ITGAE: variants seen among roughly 807,000 people sequenced by gnomAD.
The protein encoded by ITGAE is integrin subunit alpha E.
Under a neutral mutation model 136.5 loss-of-function variants are expected in ITGAE, and 99 were observed. The observed-to-expected ratio is 0.73, with a 90% confidence interval of 0.62 to 0.86. ITGAE has a LOEUF of 0.86. ITGAE is among the 40% of genes least tolerant of loss of function. ITGAE has a pLI of 0.00. For missense variants in ITGAE, 1,447 were observed against 1,515.3 expected (o/e 0.95, Z 0.75); for synonymous variants, 613 against 591.8 (o/e 1.04, Z -0.52).
intron 26 of ITGAE, chr17:3,725,345 G>A (rs1299919616): frequency 6.2e-7 from 1 of 1,614,242 alleles, no homozygotes; most frequent in Non-Finnish European, 8.5e-7. Flanking sequence ...GCAGTCAGAA[G>A]GGTCCTGTCC....
intron 1 of ITGAE, among the ~76,000 whole-genome samples, chr17:3,794,471 G>C (rs577137209): frequency 1.2e-3 from 187 of 152,142 alleles, no homozygotes; most frequent in Non-Finnish European, 2.2e-3. Flanking sequence ...GTGAGTCCAA[G>C]GGGGCACACA....
intron 1 of ITGAE, among the ~76,000 whole-genome samples, chr17:3,782,590 A>G (rs1290173615): frequency 1.3e-5 from 2 of 151,664 alleles, no homozygotes; most frequent in Non-Finnish European, 2.9e-5. Flanking sequence ...CTGGTCTCGA[A>G]CTCCTGACCT....
intron 1 of ITGAE, among the ~76,000 whole-genome samples, chr17:3,800,545 C>A (rs1006634937): frequency 6.6e-6 from 1 of 152,078 alleles, no homozygotes; most frequent in Admixed American, 6.5e-5. Flanking sequence ...AAAATGGGAC[C>A]CCCCAGGCAG....
chr17:3,753,747 C>T (rs974358482), intron 13 of ITGAE, 36 bp downstream of exon 13: 2 of 1,610,740 alleles, frequency 1.2e-6, no homozygotes, highest in Admixed American at 1.7e-5. Flanking sequence ...GATTCCCCAT[C>T]GGTCATAAGG....
chr17:3,731,048 G>T, intron 23 of ITGAE, 56 bp downstream of exon 23: 2 of 1,406,830 alleles, frequency 1.4e-6, no homozygotes, highest in South Asian at 1.2e-5. Context: ...GCATGTGGCA[G>T]GGAGATGTCT....
At position 3,724,510 on chromosome 17, in the gene ITGAE, C is replaced by G. The variant is rs777034278; in HGVS notation, c.3085-766G>C. 6.6e-5 allele frequency: 106 copies of G among 1,613,950 alleles called. No individual in the cohort carries two copies. The highest frequency in any genetic ancestry group is 8.9e-5 in the Non-Finnish European group (105 of 1,180,040). On this transcript the variant is annotated intron_variant, in intron 26 of 30. Transcript: ENST00000263087. ...GACAGTGTCATCTCGATCGGCACCT[C>G]CGCCTGTCTGGTTGCAGCCTCAGCC...
chr17:3,716,730 A>T lies in ITGAE; in HGVS notation c.3402T>A (p.Gly1134=). 6.2e-7 allele frequency: 1 copy of T among 1,611,956 alleles called. No homozygotes were observed. The highest frequency in any genetic ancestry group is 8.5e-7 in the Non-Finnish European group (1 of 1,177,996). ...SLPIIIKGSV[G]GLLVLIVILV... is the part of the protein sequence containing the mutation. ...GAATCACGATCAACACCAGAAGTCC[A>T]CCAACGCTGCCTTTAATGATGATAG... is the stretch of plus-strand genomic sequence containing the variant. The change falls in exon 30 of 31, where the codon GGT becomes GGA. Residue 1134 remains glycine (G), a synonymous_variant. Coordinates refer to ENST00000263087, the MANE Select transcript of ITGAE (RefSeq NM_002208.5).
chr17:3,725,485 G>T, intron 26 of ITGAE: 1 of 1,614,176 alleles, frequency 6.2e-7, no homozygotes, highest in Non-Finnish European at 8.5e-7. Flanking sequence ...GCTATTGAAG[G>T]ACCAGATTTA....
intron 1 of ITGAE, among the ~76,000 whole-genome samples, chr17:3,779,188 A>T (rs995768474): frequency 2.0e-5 from 3 of 152,242 alleles, no homozygotes; most frequent in African/African-American, 7.2e-5. Context: ...GAACACACGC[A>T]ATGAATGGTC....
chr17:3,722,203 C>T (rs1386765439), intron 28 of ITGAE, among the ~76,000 whole-genome samples: 6 of 150,604 alleles, frequency 4.0e-5, no homozygotes, highest in Admixed American at 6.6e-5. Context: ...ACACCTAGGT[C>T]GGGTGCGGTG....
chr17:3,794,795 G>A (rs1030975750), intron 1 of ITGAE, among the ~76,000 whole-genome samples: 5 of 152,128 alleles, frequency 3.3e-5, no homozygotes, highest in Admixed American at 2.6e-4. Flanking sequence ...ATTAAAAAGT[G>A]CGAGCTGCCA....
intron 22 of ITGAE, among the ~76,000 whole-genome samples, chr17:3,732,114 C>T (rs184954604): frequency 3.7e-4 from 56 of 151,900 alleles, no homozygotes; most frequent in Admixed American, 1.2e-3. Flanking sequence ...TCTGACACGC[C>T]CTCCATACTA....
intron 2 of ITGAE, among the ~76,000 whole-genome samples, chr17:3,775,171 G>C (rs576311174): frequency 2.6e-5 from 4 of 151,838 alleles, no homozygotes; most frequent in Non-Finnish European, 5.9e-5. Flanking sequence ...GGCTGGTCTC[G>C]AACTCCTGGG....
rs188332852 is a variant in ITGAE, at chr17:3,745,562, G to A, written c.2319+202C>T. Among the ~76,000 whole-genome samples, 646 of 152,220 alleles carry A rather than the reference G, an allele frequency of 4.2e-3. 4 individuals carry two copies. The highest frequency in any genetic ancestry group is 0.015 in the African/African-American group (605 of 41,524). On this transcript the variant is annotated intron_variant, in intron 18 of 30. Coordinates refer to ENST00000263087, the MANE Select transcript of ITGAE (RefSeq NM_002208.5). ...TCACCGTGTTGGCCCGGCTGGTCTC[G>A]AACTCCTGACCTCAAGTGATCCCCC...
In ITGAE at chr17:3,751,828, A is replaced by G. The variant is rs1236851783; in HGVS notation, c.1715T>C (p.Phe572Ser). The change falls in exon 15 of 31, where the codon TTC becomes TCC. Residue 572 changes from phenylalanine (F) to serine (S), a missense_variant. Phe to Ser is a radical substitution (Grantham distance 155). Around this residue, in one of 3 missense-constraint regions of ITGAE, gnomAD observed 1,031 missense variants for 1,011.4 expected, o/e 1.02. Transcript: ENST00000263087. ...LARILSGHPG[F>S]TNARFGFAMA... Reference sequence around the variant, plus strand: ...GGCAAAGCCAAAGCGGGCATTGGTGAACCCGGGGTGCCCACTCAGTATGCG... The same window carrying G: ...GGCAAAGCCAAAGCGGGCATTGGTGGACCCGGGGTGCCCACTCAGTATGCG... 6.2e-7 allele frequency: 1 copy of G among 1,614,136 alleles called. No homozygotes were observed. The highest frequency in any genetic ancestry group is 8.5e-7 in the Non-Finnish European group (1 of 1,179,986).
chr17:3,787,274 C>G (rs12602307), intron 1 of ITGAE, among the ~76,000 whole-genome samples: 64,895 of 151,512 alleles, frequency 0.43, 14,278 homozygotes, highest in Non-Finnish European at 0.49. Flanking sequence ...ACCACACCCG[C>G]CTAAGTTTTG....
intron 11 of ITGAE, 111 bp from the exon 12 acceptor site, chr17:3,755,372 G>A: frequency 3.1e-6 from 4 of 1,284,598 alleles, no homozygotes; most frequent in Non-Finnish European, 4.1e-6. Context: ...GCAGGGGGGC[G>A]TTCGGTGGTC....
intron 20 of ITGAE, among the ~76,000 whole-genome samples, 195 bp from the exon 21 acceptor site, chr17:3,735,144 C>T (rs747877622): frequency 6.2e-4 from 95 of 152,156 alleles, no homozygotes; most frequent in Non-Finnish European, 1.1e-3. Context: ...CAGGTGTTTA[C>T]CACCATGCCC....
intron 1 of ITGAE, among the ~76,000 whole-genome samples, chr17:3,786,397 A>T (rs1286669445): frequency 6.6e-6 from 1 of 152,194 alleles, no homozygotes; most frequent in Non-Finnish European, 1.5e-5. Flanking sequence ...AAAGAGAAAT[A>T]ATGCCAAGTT....
Sources: allele counts gnomAD v4.1 joint callset (sites outside exome capture counted in the v4.1 genomes callset), GRCh38; gene constraint gnomAD v4.1.1; regional missense constraint gnomAD v4.1.1; transcripts MANE v1.5; gene names NCBI Gene and HGNC (gene_info 2026-07-23, HGNC 2026-07-21).